Variants in FOXJ3 observed in about 807,000 individuals in gnomAD.
FOXJ3 encodes forkhead box J3, also known as forkhead box protein J3.
FOXJ3 carries 22 observed loss-of-function variants against 76.1 expected under a neutral mutation model. The ratio of observed to expected loss-of-function variants is 0.29; its 90% CI spans 0.21 to 0.41. FOXJ3 has a LOEUF of 0.41. Among genes scored for constraint, FOXJ3 ranks in the 10% least tolerant of loss-of-function variants. The pLI is 1.00. For missense variants in FOXJ3, 613 were observed against 762.1 expected (o/e 0.80, Z 2.30); for synonymous variants, 269 against 261.2 (o/e 1.03, Z -0.29).
intron 3 of FOXJ3, among the ~76,000 whole-genome samples, chr1:42,272,184 G>T (rs1402718136): frequency 6.6e-6 from 1 of 152,126 alleles, no homozygotes; most frequent in Admixed American, 6.5e-5. Flanking sequence ...TCACTTTAAG[G>T]TCTTTCTCCA....
chr1:42,302,424 G>C (rs971783931), intron 2 of FOXJ3, among the ~76,000 whole-genome samples: 7 of 152,250 alleles, frequency 4.6e-5, no homozygotes, highest in Non-Finnish European at 8.8e-5. Flanking sequence ...CCTGGAGCAG[G>C]AGACCAAGAC....
At chr1:42,254,483 A>G (rs879742974) in intron 4 of FOXJ3, among the ~76,000 whole-genome samples, 251 of 127,506 alleles carry the variant, frequency 2.0e-3, no homozygotes, top group Admixed American at 2.5e-3. Context: ...CCAAAGGACT[A>G]TAAATCATGC....
chr1:42,333,826 A>G (rs1187882380), intron 1 of FOXJ3, among the ~76,000 whole-genome samples: 3 of 152,250 alleles, frequency 2.0e-5, no homozygotes, highest in African/African-American at 7.2e-5. Context: ...GCTTCTACAA[A>G]ATAAGTGACT....
At chr1:42,316,415 C>G (rs185354201) in intron 1 of FOXJ3, among the ~76,000 whole-genome samples, 1 of 149,806 alleles carries the variant, frequency 6.7e-6, no homozygotes, top group East Asian at 2.0e-4. Context: ...AAATGATCCT[C>G]TCACCTCAGC....
chr1:42,303,813 T>C (rs1030017503), intron 2 of FOXJ3, among the ~76,000 whole-genome samples: 8 of 152,272 alleles, frequency 5.3e-5, no homozygotes, highest in African/African-American at 1.7e-4. Flanking sequence ...AACCCTCTAA[T>C]AAATGTTAGG....
intron 6 of FOXJ3, among the ~76,000 whole-genome samples, chr1:42,204,155 A>C (rs1279960228): frequency 6.6e-6 from 1 of 152,046 alleles, no homozygotes; most frequent in Non-Finnish European, 1.5e-5. Context: ...CCATGCACTG[A>C]GAATCGGGAA....
At chr1:42,197,240 T>C (rs1646668670) in intron 7 of FOXJ3, among the ~76,000 whole-genome samples, 1 of 152,120 alleles carries the variant, frequency 6.6e-6, no homozygotes, top group Non-Finnish European at 1.5e-5. Context: ...TGGTGGCTCA[T>C]GCCTGTAATC....
At chr1:42,298,769 T>C (rs1417569475) in intron 2 of FOXJ3, among the ~76,000 whole-genome samples, 1 of 152,224 alleles carries the variant, frequency 6.6e-6, no homozygotes, top group African/African-American at 2.4e-5. Context: ...CTTTTTAATG[T>C]GGGCATTTAA....
intron 2 of FOXJ3, among the ~76,000 whole-genome samples, chr1:42,280,671 A>C (rs538273166): frequency 7.7e-4 from 118 of 152,308 alleles, no homozygotes; most frequent in African/African-American, 2.5e-3. Flanking sequence ...GGTAGTTAGC[A>C]GTAGTACAAA....
rs190177145 is a variant in FOXJ3 at position 42,268,655 on chromosome 1, A to T, written c.370-3466T>A. ...ATGTATGACAACAATAGCAAAAAGG[A>T]TGGGTCAAAGGAACTGGAAAGACGT... On this transcript the variant is annotated intron_variant, in intron 3 of 12. Coordinates refer to ENST00000361346, the MANE Select transcript of FOXJ3 (RefSeq NM_014947.5). Among the ~76,000 whole-genome samples, 6 of 152,310 alleles carry T rather than the reference A, an allele frequency of 3.9e-5. No individual in the cohort carries two copies. The East Asian group carries it at 1.2e-3, about 29-fold the overall frequency.
At position 42,191,353 on chromosome 1, in the gene FOXJ3, G is replaced by T. The variant is rs1434650261; in HGVS notation, c.1301C>A (p.Thr434Lys). The T allele has an allele frequency of 1.3e-6, 2 of 1,579,450 alleles. No homozygotes were observed. The change falls in exon 9 of 13, where the codon ACG becomes AAG. Residue 434 changes from threonine (T) to lysine (K), a missense_variant. Physicochemically the swap from Thr to Lys is moderately conservative, Grantham distance 78. Around this residue, in one of 3 missense-constraint regions of FOXJ3, gnomAD observed 526 missense variants for 601.4 expected, o/e 0.87. Coordinates refer to ENST00000361346, the MANE Select transcript of FOXJ3 (RefSeq NM_014947.5). Reference protein sequence around the residue: ...IQHHPNHQHQTLTHQAPPPPQ... With the variant: ...IQHHPNHQHQKLTHQAPPPPQ... ...GGGTGGGGGTGCCTGATGTGTTAAC[G>T]TCTGATGCTGATGGTTCGGATGGTG... is the stretch of plus-strand genomic sequence containing the variant.
chr1:42,235,389 C>T (rs188291484), intron 4 of FOXJ3, among the ~76,000 whole-genome samples: 14 of 152,294 alleles, frequency 9.2e-5, no homozygotes, highest in Admixed American at 3.3e-4. Flanking sequence ...GGCTCACGCT[C>T]GGTGCGCTGC....
intron 5 of FOXJ3, among the ~76,000 whole-genome samples, chr1:42,219,161 T>C (rs1349419206): frequency 6.6e-6 from 1 of 152,172 alleles, no homozygotes; most frequent in East Asian, 1.9e-4. Context: ...ATTCCCAAAA[T>C]AACCAATTCA....
chr1:42,180,243 G>A lies in FOXJ3; in HGVS notation c.1754-418C>T, dbSNP rs537551326. On this transcript the variant is annotated intron_variant, in intron 12 of 12. Transcript: ENST00000361346. ...ATAATGATGGCAGTGCACCAATGACGTCATACTGAATTTTCCCCAGCAAGC... is the reference window on the plus strand; with the variant it reads ...ATAATGATGGCAGTGCACCAATGACATCATACTGAATTTTCCCCAGCAAGC... 6.9e-4 allele frequency among the ~76,000 whole-genome samples: 105 copies of A among 152,276 alleles called. 4 individuals carry two copies. In the South Asian group the frequency reaches 0.019, roughly 27 times the overall value.
chr1:42,312,022 T>A (rs1480335624), intron 1 of FOXJ3, among the ~76,000 whole-genome samples: 3 of 152,158 alleles, frequency 2.0e-5, no homozygotes, highest in Non-Finnish European at 4.4e-5. Context: ...GGTTTAAGTG[T>A]ATACATACGC....
intron 2 of FOXJ3, among the ~76,000 whole-genome samples, chr1:42,309,115 G>A (rs914689199): frequency 4.0e-5 from 6 of 151,528 alleles, no homozygotes; most frequent in African/African-American, 1.5e-4. Flanking sequence ...TTTTGTGTGT[G>A]TGTGTGGCAT....
At chr1:42,324,145 ACTATATATACACTGT>A (rs1655657633) in intron 1 of FOXJ3, among the ~76,000 whole-genome samples, 3 of 141,894 alleles carry the variant, frequency 2.1e-5, no homozygotes, top group Non-Finnish European at 4.6e-5. Context: ...CAGTATATAT[ACTATATATACACTGT>A]GTATATATAG....
chr1:42,263,601 T>C (rs911552545), intron 4 of FOXJ3, among the ~76,000 whole-genome samples: 2 of 152,148 alleles, frequency 1.3e-5, no homozygotes, highest in African/African-American at 4.8e-5. Context: ...ATTATAATAA[T>C]CTGTTCAATC....
intron 1 of FOXJ3, among the ~76,000 whole-genome samples, chr1:42,320,094 G>C (rs909889285): frequency 2.0e-5 from 3 of 151,922 alleles, no homozygotes; most frequent in African/African-American, 7.2e-5. Flanking sequence ...GAGACTAATA[G>C]AAGATGAAAA....
Sources: gnomAD v4.1 joint callset for allele counts (sites outside exome capture counted in the v4.1 genomes callset) on GRCh38, gnomAD v4.1.1 for gene constraint, gnomAD v4.1.1 regional missense constraint, MANE v1.5 for transcripts, NCBI Gene and HGNC (gene_info 2026-07-23, HGNC 2026-07-21) for gene names.